DPYD: variants seen among roughly 807,000 people sequenced by gnomAD.
DPYD encodes dihydropyrimidine dehydrogenase [NADP(+)].
DPYD carries 109 observed loss-of-function variants against 116.2 expected under a neutral mutation model. The observed-to-expected ratio is 0.94, with a 90% confidence interval of 0.80 to 1.10. The LOEUF (loss-of-function observed/expected upper bound fraction) is 1.10. Ranked by LOEUF, DPYD falls within the 50% of genes least tolerant of loss-of-function variation. DPYD has a pLI of 0.00. For missense variants in DPYD, 1,302 were observed against 1,254.5 expected, an observed-to-expected ratio of 1.04 and a Z score of -0.57; for synonymous variants, 440 against 432.0, an observed-to-expected ratio of 1.02 and a Z score of -0.23.
chr1:97,411,314 C>T (rs1294766055), intron 14 of DPYD, among the ~76,000 whole-genome samples: 1 of 152,172 alleles, frequency 6.6e-6, no homozygotes, highest in Non-Finnish European at 1.5e-5. Context: ...ATCCTGTGTA[C>T]TATTCCTGCA....
chr1:97,167,481 A>T (rs890957792), intron 20 of DPYD, among the ~76,000 whole-genome samples: 1 of 152,180 alleles, frequency 6.6e-6, no homozygotes, highest in Non-Finnish European at 1.5e-5. Flanking sequence ...AGATCAAATT[A>T]TATCCACAGG....
In DPYD at chr1:97,530,772, C is replaced by T. The variant is rs556157037; in HGVS notation, c.1525-14831G>A. Among the ~76,000 whole-genome samples, 8 of 152,274 alleles carry T rather than the reference C, an allele frequency of 5.3e-5. 1 individual carries two copies. In the South Asian group the frequency reaches 1.7e-3, roughly 32 times the overall value. ...TTGTATAAGGGTTTCAATTTCTCCA[C>T]AAACTTGTCAAACTTTTGTTTTTCT... On this transcript the variant is annotated intron_variant, in intron 12 of 22. Coordinates refer to ENST00000370192, the MANE Select transcript of DPYD (RefSeq NM_000110.4).
intron 19 of DPYD, among the ~76,000 whole-genome samples, chr1:97,215,438 T>G (rs1660314310): frequency 6.6e-6 from 1 of 152,154 alleles, no homozygotes; most frequent in South Asian, 2.1e-4. Context: ...GCCATATTAT[T>G]TATGATTACA....
chr1:97,374,412 A>C (rs1671481186), intron 15 of DPYD, among the ~76,000 whole-genome samples: 1 of 152,126 alleles, frequency 6.6e-6, no homozygotes, highest in Admixed American at 6.5e-5. Flanking sequence ...ATGAAGAATA[A>C]ACAAAACACT....
At chr1:97,254,835 A>G (rs1170557539) in intron 18 of DPYD, among the ~76,000 whole-genome samples, 2 of 152,172 alleles carry the variant, frequency 1.3e-5, no homozygotes. Flanking sequence ...ACCCAAAACA[A>G]GAAGAAAAGA....
chr1:97,676,705 C>A (rs1660162002), intron 8 of DPYD, among the ~76,000 whole-genome samples: 2 of 152,086 alleles, frequency 1.3e-5, no homozygotes, highest in South Asian at 4.1e-4. Context: ...GTCCAAGTAA[C>A]CGCCAGTTAT....
At chr1:97,687,506 A>C (rs1000097889) in intron 7 of DPYD, among the ~76,000 whole-genome samples, 1 of 152,194 alleles carries the variant, frequency 6.6e-6, no homozygotes. Context: ...GTGGAGAAAT[A>C]TAAATGCTTT....
At chr1:97,610,467 T>A (rs1655871539) in intron 8 of DPYD, among the ~76,000 whole-genome samples, 1 of 152,090 alleles carries the variant, frequency 6.6e-6, no homozygotes, top group Non-Finnish European at 1.5e-5. Flanking sequence ...TAGATTTGCA[T>A]GTTTGCAGTG....
intron 16 of DPYD, among the ~76,000 whole-genome samples, chr1:97,307,370 T>C (rs1444545667): frequency 6.6e-6 from 1 of 151,898 alleles, no homozygotes; most frequent in South Asian, 2.1e-4. Flanking sequence ...ATTAATGTTT[T>C]TGTATGTAAG....
chr1:97,615,558 TTAA>T (rs1176826331), intron 8 of DPYD, among the ~76,000 whole-genome samples: 9 of 152,162 alleles, frequency 5.9e-5, no homozygotes, highest in African/African-American at 1.9e-4. Context: ...TTCTTTTCAC[TTAA>T]TAATCTTTCA....
rs553683174 is a variant in DPYD, at chr1:97,484,206, A to G, written c.1740+31520T>C. On this transcript the variant is annotated intron_variant, in intron 13 of 22. Transcript: ENST00000370192. The stretch of plus-strand genomic sequence containing the variant: ...AGTAATCCCAGCTACTCAGGAGGCT[A>G]AGTAGGAGAATCGTTTGAAGCCGGG... 1.8e-4 allele frequency among the ~76,000 whole-genome samples: 27 copies of G among 152,248 alleles called. No individual in the cohort carries two copies. The South Asian group carries it at 1.9e-3, about 11-fold the overall frequency.
At chr1:97,100,691 G>T (rs1650609580) in intron 20 of DPYD, among the ~76,000 whole-genome samples, 1 of 151,952 alleles carries the variant, frequency 6.6e-6, no homozygotes, top group Admixed American at 6.6e-5. Context: ...TACATCAGAG[G>T]ATAGTATATT....
At chr1:97,815,831 G>A (rs933188885) in intron 3 of DPYD, among the ~76,000 whole-genome samples, 1 of 152,060 alleles carries the variant, frequency 6.6e-6, no homozygotes, top group Non-Finnish European at 1.5e-5. Flanking sequence ...AGGAGAGAGA[G>A]AGTAATTACA....
At chr1:97,887,543 A>C (rs996745944) in intron 1 of DPYD, among the ~76,000 whole-genome samples, 2 of 148,746 alleles carry the variant, frequency 1.3e-5, no homozygotes, top group Admixed American at 1.4e-4. Context: ...GAGGGGGTTT[A>C]GTGTCCGGCA....
chr1:97,488,428 C>A (rs1678775131), intron 13 of DPYD, among the ~76,000 whole-genome samples: 2 of 152,070 alleles, frequency 1.3e-5, no homozygotes, highest in African/African-American at 4.8e-5. Context: ...CACACACATA[C>A]ACAAAGGAAT....
At chr1:97,089,572 C>A (rs1422729033) in intron 21 of DPYD, among the ~76,000 whole-genome samples, 1 of 152,236 alleles carries the variant, frequency 6.6e-6, no homozygotes. Flanking sequence ...CTTCTTTTAT[C>A]TCATTCTTTC....
chr1:97,810,286 CAA>C lies in DPYD; in HGVS notation c.233+17826_233+17827del, dbSNP rs71071672. Among the ~76,000 whole-genome samples the C allele has an allele frequency of 3.7e-3, 271 of 73,586 alleles. 1 individual carries two copies. The highest frequency in any genetic ancestry group is 0.014 in the African/African-American group (247 of 17,100). The allele number at this position is 73,586 out of a possible 152,430, so 48.3% of individuals were successfully genotyped here. On this transcript the variant is annotated intron_variant, in intron 3 of 22. Transcript: ENST00000370192. ...TGGGCAACAGAGTGAGACTCCATCT[CAA>C]AAAAAAAAAAAAAAAAAAGAAGCAT...
At chr1:97,323,434 A>ATATGTACACATATGTATACATATGTGTC (rs1668472689) in intron 16 of DPYD, among the ~76,000 whole-genome samples, 1 of 100,490 alleles carries the variant, frequency 1.0e-5, no homozygotes, top group African/African-American at 3.1e-5. Flanking sequence ...ACATATGTGT[A>ATATGTACACATATGTATACATATGTGTC]TATGTACACG....
At chr1:97,818,873 C>T (rs111706499) in intron 3 of DPYD, among the ~76,000 whole-genome samples, 2,253 of 151,796 alleles carry the variant, frequency 0.015, 60 homozygotes, top group African/African-American at 0.051. Flanking sequence ...CATGTGTGTG[C>T]CTGTGTATAT....
Sources: gnomAD v4.1 joint callset for allele counts (sites outside exome capture counted in the v4.1 genomes callset) on GRCh38, gnomAD v4.1.1 for gene constraint, MANE v1.5 for transcripts, NCBI Gene and HGNC (gene_info 2026-07-23, HGNC 2026-07-21) for gene names.